ABCB9: variants seen among roughly 807,000 people sequenced by gnomAD.
The protein encoded by ABCB9 is ATP binding cassette subfamily B member 9.
ABCB9 carries 36 observed loss-of-function variants against 62.0 expected under a neutral mutation model. The ratio of observed to expected loss-of-function variants is 0.58; its 90% CI spans 0.45 to 0.77. ABCB9 has a LOEUF of 0.77. ABCB9 is among the 30% of genes least tolerant of loss of function. The pLI, the probability that ABCB9 is intolerant of heterozygous loss-of-function variation, is 0.00. For synonymous variants in ABCB9, 435 were observed against 461.4 expected (o/e 0.94, Z 0.73); for missense variants, 943 against 1,054.7 (o/e 0.89, Z 1.47).
chr12:122,936,257 C>T (rs1461935634), intron 9 of ABCB9, among the ~76,000 whole-genome samples: 1 of 151,518 alleles, frequency 6.6e-6, no homozygotes, highest in Non-Finnish European at 1.5e-5. Context: ...TAAACGTGTA[C>T]CTTCATATAT....
intron 2 of ABCB9, among the ~76,000 whole-genome samples, chr12:122,954,854 G>GGTTTTTT (rs1341633731): frequency 1.3e-5 from 2 of 152,154 alleles, no homozygotes; most frequent in African/African-American, 4.8e-5. Context: ...CCCAATGGGT[G>GGTTTTTT]GTTTTTTGTT....
intron 1 of ABCB9, among the ~76,000 whole-genome samples, chr12:122,963,319 G>A (rs1341395066): frequency 6.6e-6 from 1 of 152,102 alleles, no homozygotes; most frequent in Admixed American, 6.6e-5. Context: ...TTCATCTAAG[G>A]AAAAGGGTCC....
intron 6 of ABCB9, among the ~76,000 whole-genome samples, 183 bp downstream of exon 6, chr12:122,945,842 C>T (rs1214247010): frequency 2.1e-5 from 3 of 145,640 alleles, no homozygotes; most frequent in Non-Finnish European, 4.5e-5. Context: ...GGTGCCACTG[C>T]ACTCCAGCCT....
At chr12:122,941,036 GAC>G (rs761801767) in intron 7 of ABCB9, 41 bp from the exon 8 acceptor site, 12 of 1,521,536 alleles carry the variant, frequency 7.9e-6, no homozygotes, top group Non-Finnish European at 1.1e-5. Context: ...ACCGATACCC[GAC>G]TCCTGGGACC....
intron 11 of ABCB9, among the ~76,000 whole-genome samples, chr12:122,922,228 C>A (rs1033254113): frequency 1.3e-5 from 2 of 152,190 alleles, no homozygotes; most frequent in African/African-American, 2.4e-5. Context: ...AGTGTTCCCT[C>A]TCCTACCCCT....
intron 10 of ABCB9, 88 bp downstream of exon 10, chr12:122,935,184 G>A: frequency 7.1e-7 from 1 of 1,404,184 alleles, no homozygotes; most frequent in African/African-American, 1.5e-5. Flanking sequence ...AAAAGAGCAG[G>A]TGGCAGGGGG....
intron 2 of ABCB9, chr12:122,952,295 C>T (rs1043608629): frequency 6.6e-6 from 1 of 152,272 alleles, no homozygotes; most frequent in Non-Finnish European, 1.5e-5. Flanking sequence ...GTGGCATCAC[C>T]AGGCCAGGCC....
chr12:122,948,329 GT>G (rs1297241429), intron 5 of ABCB9: 8 of 263,944 alleles, frequency 3.0e-5, no homozygotes, highest in African/African-American at 1.6e-4. Context: ...ATCTTTTACT[GT>G]ATTGTGGATT....
At chr12:122,924,654 A>G (rs992593922), downstream of ABCB9, 8 of 1,487,424 alleles carry the variant, frequency 5.4e-6, no homozygotes, top group African/African-American at 1.1e-4. Context: ...GACAGAGTAA[A>G]CTAAGTCCTG....
Position 122,944,226 on chromosome 12 carries a change from G to A in ABCB9, c.1380+165C>T, listed in dbSNP as rs2035915703. ...TTATAGGCGTGAGCCACCACGCCCT[G>A]CCTAGTATTATCATTCTTGATATGA... On this transcript the variant is annotated intron_variant, in intron 7 of 11. Transcript: ENST00000280560. This position sits in a 1 kb window ranked among gnomAD's most constrained non-coding sequence, Gnocchi z 4.9. Among the ~76,000 whole-genome samples, 1 of 152,158 alleles carries A rather than the reference G, an allele frequency of 6.6e-6. No homozygotes were observed. The highest frequency in any genetic ancestry group is 6.5e-5 in the Admixed American group (1 of 15,272).
intron 1 of ABCB9, among the ~76,000 whole-genome samples, chr12:122,971,867 G>C (rs2037273900): frequency 6.6e-6 from 1 of 152,072 alleles, no homozygotes; most frequent in Admixed American, 6.6e-5. Flanking sequence ...GATGGTGATG[G>C]TGGGGGAGGC....
In ABCB9 at chr12:122,944,361, T is replaced by G; in HGVS notation, c.1380+30A>C. 2.0e-6 allele frequency: 3 copies of G among 1,529,930 alleles called. No individual in the cohort carries two copies. The highest frequency in any genetic ancestry group is 2.7e-6 in the Non-Finnish European group (3 of 1,123,774). 94.8% of individuals were successfully genotyped at this position (1,529,930 alleles called of 1,614,324 possible). On this transcript the variant is annotated intron_variant, in intron 7 of 11. Transcript: ENST00000280560. The surrounding 1 kb of genome is among the most constrained non-coding windows in gnomAD (Gnocchi z 4.9). ...CTCTTCCCCAAACTCCTCCCTTCTC[T>G]CTGGATCCCCGGACACACTGGCCTC...
At chr12:122,948,998 A>G in intron 4 of ABCB9, 169 bp from the exon 5 acceptor site, 1 of 544,512 alleles carries the variant, frequency 1.8e-6, no homozygotes, top group Non-Finnish European at 3.2e-6. Flanking sequence ...GGCTACTCTG[A>G]GCCAATCCCA....
intron 11 of ABCB9, among the ~76,000 whole-genome samples, chr12:122,922,205 T>A (rs999609362): frequency 1.3e-5 from 2 of 152,140 alleles, no homozygotes; most frequent in Admixed American, 6.6e-5. Flanking sequence ...CAGGGTTTGT[T>A]TAGTTTGTTT....
At chr12:122,966,983 C>A (rs76839747), upstream of ABCB9, among the ~76,000 whole-genome samples, 660 of 152,352 alleles carry the variant, frequency 4.3e-3, 5 homozygotes, top group Non-Finnish European at 6.7e-3. Context: ...AAACAAGATC[C>A]TTGCCCTTCT....
At chr12:122,957,888 G>C (rs888390414) in intron 2 of ABCB9, among the ~76,000 whole-genome samples, 1 of 151,246 alleles carries the variant, frequency 6.6e-6, no homozygotes, top group Non-Finnish European at 1.5e-5. Context: ...TTGACGTGCA[G>C]GTCGGGCGCA....
At chr12:122,956,452 T>C (rs1566189211) in intron 2 of ABCB9, among the ~76,000 whole-genome samples, 1 of 152,240 alleles carries the variant, frequency 6.6e-6, no homozygotes, top group Non-Finnish European at 1.5e-5. Flanking sequence ...CAGAACATTC[T>C]GGCATTGTTA....
At chr12:122,924,588 G>A, downstream of ABCB9, 2 of 1,389,614 alleles carry the variant, frequency 1.4e-6, no homozygotes, top group Non-Finnish European at 1.9e-6. Context: ...CACTGTTCTA[G>A]GCACTGGGGA....
intron 2 of ABCB9, among the ~76,000 whole-genome samples, chr12:122,956,890 T>G (rs1306149511): frequency 1.3e-5 from 2 of 152,182 alleles, no homozygotes; most frequent in Non-Finnish European, 2.9e-5. Flanking sequence ...ACTCCTGACC[T>G]CAAGTGATCT....
Sources: gnomAD v4.1 joint callset for allele counts (sites outside exome capture counted in the v4.1 genomes callset) on GRCh38, gnomAD v4.1.1 for gene constraint, Gnocchi (gnomAD v3.1) non-coding constraint, MANE v1.5 for transcripts, NCBI Gene and HGNC (gene_info 2026-07-23, HGNC 2026-07-21) for gene names.